The following ALKBH1 variants were observed in gnomAD, a reference collection of about 807,000 sequenced individuals.
ALKBH1 encodes the protein nucleic acid dioxygenase ALKBH1.
In ALKBH1, 31 loss-of-function variants were observed where a neutral mutation model predicts 36.6. That is an observed-to-expected ratio of 0.85 (90% CI 0.64 to 1.14). The LOEUF (loss-of-function observed/expected upper bound fraction) is 1.14. Among genes scored for constraint, ALKBH1 ranks in the 50% most tolerant of loss-of-function variants. ALKBH1 has a pLI of 0.00. For synonymous variants in ALKBH1, 183 were observed against 186.6 expected, an observed-to-expected ratio of 0.98 and a Z score of 0.16; for missense variants, 490 against 497.3, an observed-to-expected ratio of 0.99 and a Z score of 0.14.
chr14:77,679,322 G>A (rs887850090), intron 4 of ALKBH1, among the ~76,000 whole-genome samples: 11 of 152,160 alleles, frequency 7.2e-5, no homozygotes, highest in African/African-American at 2.7e-4. Context: ...AATAAAGATG[G>A]TGAGAACTGC....
At chr14:77,701,182 C>A (rs2080357496) in intron 2 of ALKBH1, among the ~76,000 whole-genome samples, 1 of 152,278 alleles carries the variant, frequency 6.6e-6, no homozygotes, top group Admixed American at 6.5e-5. Context: ...AATTTTCAGT[C>A]ATTGGTCTTG....
chr14:77,702,209 G>A (rs2080363207), intron 2 of ALKBH1, among the ~76,000 whole-genome samples: 1 of 152,116 alleles, frequency 6.6e-6, no homozygotes, highest in Admixed American at 6.5e-5. Context: ...GCTGAGAGAG[G>A]AGAATTGCTT....
In ALKBH1 at chr14:77,672,948, C is replaced by T. The variant is rs2080184173; in HGVS notation, c.*864G>A. 6.6e-6 allele frequency: 1 copy of T among 152,004 alleles called. No homozygotes were observed. The highest frequency in any genetic ancestry group is 2.1e-4 in the South Asian group (1 of 4,824). The allele number at this position is 152,004 out of a possible 1,614,324, so 9.4% of individuals were successfully genotyped here. A position where few individuals can be genotyped will look rare whatever the true frequency, so the allele number is the denominator to read the frequency against. On this transcript the variant is annotated 3_prime_UTR_variant, in exon 6 of 6. Transcript: ENST00000216489. Reference sequence around the variant, plus strand: ...GCAGAATGGTGTAGGGCAGAAACAGCTAGAGGGCTTCAATAGCATGAACAA... The same window carrying T: ...GCAGAATGGTGTAGGGCAGAAACAGTTAGAGGGCTTCAATAGCATGAACAA...
chr14:77,673,911 G>A lies in ALKBH1; in HGVS notation c.1071C>T (p.Pro357=). 6.2e-7 allele frequency: 1 copy of A among 1,614,170 alleles called. No individual in the cohort carries two copies. The highest frequency in any genetic ancestry group is 8.5e-7 in the Non-Finnish European group (1 of 1,180,028). ...LATDQNFPLE[P]IEDEKRDIST... ...TGATGTCTCTTTTTTCATCCTCGATGGGTTCTAGAGGGAAATTCTGGTCTG... is the reference window on the plus strand; with the variant it reads ...TGATGTCTCTTTTTTCATCCTCGATAGGTTCTAGAGGGAAATTCTGGTCTG... The change falls in exon 6 of 6, where the codon CCC becomes CCT. Residue 357 remains proline (P), a synonymous_variant. Transcript: ENST00000216489.
chr14:77,694,884 T>C lies in ALKBH1; in HGVS notation c.309A>G (p.Pro103=), dbSNP rs1002889537. The C allele has an allele frequency of 6.4e-7, 1 of 1,562,148 alleles. No homozygotes were observed. The highest frequency in any genetic ancestry group is 1.4e-5 in the African/African-American group (1 of 72,730). The stretch of plus-strand genomic sequence containing the variant: ...ACTGGTAACCTGGGAGGAAGGGGTT[T>C]GGGATAAAAATAAACCCTATACAAA... The part of the protein sequence containing the change: ...LKGYPGFIFI[P]NPFLPGYQWH... The change falls in exon 3 of 6, where the codon CCA becomes CCG. Residue 103 remains proline, a synonymous_variant. Coordinates refer to ENST00000216489, the MANE Select transcript of ALKBH1 (RefSeq NM_006020.3).
chr14:77,707,963 CAG>C lies in ALKBH1; in HGVS notation c.40_41del (p.Leu14GlyfsTer3). On this transcript the variant is annotated frameshift_variant, in exon 1 of 6. Coordinates refer to ENST00000216489, the MANE Select transcript of ALKBH1 (RefSeq NM_006020.3). LOFTEE classifies it high-confidence loss of function. ...MAAAVGSVAT[L>X]ATEPGEDAFR... ...AGGCGTCCTCCCCGGGCTCAGTCGC[CAG>C]AGTCGCCACAGAGCCCACGGCCGCT... is the stretch of plus-strand genomic sequence containing the variant. 2 of 1,613,256 alleles carry C rather than the reference CAG, an allele frequency of 1.2e-6. No homozygotes were observed. Among genetic ancestry groups the C allele is most frequent in the African/African-American group, 1.3e-5 (1 of 75,048 alleles).
At chr14:77,704,063 C>G (rs1376093610) in intron 2 of ALKBH1, among the ~76,000 whole-genome samples, 1 of 152,182 alleles carries the variant, frequency 6.6e-6, no homozygotes, top group African/African-American at 2.4e-5. Flanking sequence ...AATTATTCTT[C>G]ACAGCACTTC....
intron 3 of ALKBH1, among the ~76,000 whole-genome samples, chr14:77,682,508 A>T (rs2080243309): frequency 6.6e-6 from 1 of 152,198 alleles, no homozygotes; most frequent in African/African-American, 2.4e-5. Context: ...CTAGGATACA[A>T]GAAAATGCTG....
rs760934889 is a variant in ALKBH1, at chr14:77,675,729, G to A, written c.667C>T (p.Arg223Cys). ...TGGATTCCCAGTGTGGAGTCCAGGC[G>A]GTAGTAATTCAGGATCCCTGCTTCA... is the stretch of plus-strand genomic sequence containing the variant. ...RAEAGILNYY[R>C]LDSTLGIHVD... The change falls in exon 5 of 6, where the codon CGC becomes TGC. Residue 223 changes from arginine to cysteine, a missense_variant. Coordinates refer to ENST00000216489, the MANE Select transcript of ALKBH1 (RefSeq NM_006020.3). 19 of 1,614,044 alleles carry A rather than the reference G, an allele frequency of 1.2e-5. No homozygotes were observed. The highest frequency in any genetic ancestry group is 1.1e-4 in the African/African-American group (8 of 74,942).
chr14:77,687,828 G>A (rs2080276530), intron 3 of ALKBH1, among the ~76,000 whole-genome samples: 1 of 152,064 alleles, frequency 6.6e-6, no homozygotes, highest in Non-Finnish European at 1.5e-5. Context: ...CTATAGATGA[G>A]AAAGAAAAGT....
intron 4 of ALKBH1, among the ~76,000 whole-genome samples, chr14:77,678,470 CCTGAGT>C (rs1223371180): frequency 6.6e-6 from 1 of 151,710 alleles, no homozygotes; most frequent in Non-Finnish European, 1.5e-5. Flanking sequence ...GTGAGGATCA[CCTGAGT>C]CTGGGGAGGT....
At position 77,696,029 on chromosome 14, in the gene ALKBH1, T is replaced by C. The variant is rs139590873; in HGVS notation, c.293-1129A>G. Reference sequence around the variant, plus strand: ...ATCACTTGAACCCAGGAGGTGGAGGTTGTAGTGAGCCAAGATCACGTCACT... The same window carrying C: ...ATCACTTGAACCCAGGAGGTGGAGGCTGTAGTGAGCCAAGATCACGTCACT... On this transcript the variant is annotated intron_variant, in intron 2 of 5. Transcript: ENST00000216489. 1.6e-3 allele frequency among the ~76,000 whole-genome samples: 235 copies of C among 151,042 alleles called. 1 individual carries two copies. Among genetic ancestry groups the C allele is most frequent in the African/African-American group, 5.4e-3 (222 of 41,070 alleles).
At chr14:77,681,292 A>C (rs1402514749) in intron 3 of ALKBH1, among the ~76,000 whole-genome samples, 1 of 152,194 alleles carries the variant, frequency 6.6e-6, no homozygotes, top group Non-Finnish European at 1.5e-5. Flanking sequence ...GAAAAAGGAG[A>C]GCTCAAAGTC....
chr14:77,685,403 C>T (rs2080262297), intron 3 of ALKBH1, among the ~76,000 whole-genome samples: 1 of 150,712 alleles, frequency 6.6e-6, no homozygotes, highest in Non-Finnish European at 1.5e-5. Flanking sequence ...TGCCACTGCA[C>T]TCCAGCCTGG....
chr14:77,689,154 C>G (rs538273954), intron 3 of ALKBH1, among the ~76,000 whole-genome samples: 37 of 152,328 alleles, frequency 2.4e-4, no homozygotes, highest in African/African-American at 7.9e-4. Context: ...TACTGAAATG[C>G]TCTACTCCAC....
chr14:77,673,533 T>C lies in ALKBH1; in HGVS notation c.*279A>G. 1 of 397,448 alleles carries C rather than the reference T, an allele frequency of 2.5e-6. No homozygotes were observed. Among genetic ancestry groups the C allele is most frequent in the Non-Finnish European group, 4.5e-6 (1 of 219,974 alleles). The allele number at this position is 397,448 out of a possible 1,614,324, so 24.6% of individuals were successfully genotyped here. A position where few individuals can be genotyped will look rare whatever the true frequency, so the allele number is the denominator to read the frequency against. ...CTTCCTCAAAGGAAATAGCAGAGGC[T>C]GAGAAGGCTGTTGTGGAAGAACATA... is the stretch of plus-strand genomic sequence containing the variant. On this transcript the variant is annotated 3_prime_UTR_variant, in exon 6 of 6. Coordinates refer to ENST00000216489, the MANE Select transcript of ALKBH1 (RefSeq NM_006020.3).
At chr14:77,695,458 G>C (rs1424601858) in intron 2 of ALKBH1, among the ~76,000 whole-genome samples, 3 of 152,124 alleles carry the variant, frequency 2.0e-5, no homozygotes, top group Admixed American at 2.0e-4. Flanking sequence ...GCCTATAAGG[G>C]TCACTAATGG....
chr14:77,677,623 T>G (rs2080212962), intron 4 of ALKBH1, among the ~76,000 whole-genome samples: 1 of 152,320 alleles, frequency 6.6e-6, no homozygotes, highest in East Asian at 1.9e-4. Flanking sequence ...AGCAAGTATT[T>G]ACTTTGGCCA....
chr14:77,687,869 A>G (rs1210460386), intron 3 of ALKBH1, among the ~76,000 whole-genome samples: 2 of 151,970 alleles, frequency 1.3e-5, no homozygotes, highest in East Asian at 1.9e-4. Context: ...AACCACATCT[A>G]TTTTCAGCGC....
Sources: allele counts gnomAD v4.1 joint callset (sites outside exome capture counted in the v4.1 genomes callset), GRCh38; gene constraint gnomAD v4.1.1; transcripts MANE v1.5; gene names NCBI Gene and HGNC (gene_info 2026-07-23, HGNC 2026-07-21).